MEI4: variants seen among roughly 807,000 people sequenced by gnomAD.
The protein encoded by MEI4 is meiosis-specific protein MEI4.
Under a neutral mutation model 31.4 loss-of-function variants are expected in MEI4, and 27 were observed. The ratio of observed to expected loss-of-function variants is 0.86; its 90% CI spans 0.63 to 1.19. The LOEUF is 1.19. Ranked by LOEUF, MEI4 falls within the 50% of genes most tolerant of loss-of-function variation. The pLI, the probability that MEI4 is intolerant of heterozygous loss-of-function variation, is 0.00. For synonymous variants in MEI4, 122 were observed against 145.4 expected, an observed-to-expected ratio of 0.84 and a Z score of 1.16; for missense variants, 329 against 398.9, an observed-to-expected ratio of 0.82 and a Z score of 1.49.
chr6:77,735,771 A>G (rs542389190), intron 2 of MEI4, among the ~76,000 whole-genome samples: 9 of 151,926 alleles, frequency 5.9e-5, no homozygotes, highest in Non-Finnish European at 1.2e-4. Context: ...GGTTTTATCT[A>G]TTTTTGGTCT....
intron 4 of MEI4, among the ~76,000 whole-genome samples, chr6:77,902,573 A>G (rs1261806765): frequency 6.6e-6 from 1 of 152,090 alleles, no homozygotes; most frequent in Non-Finnish European, 1.5e-5. Flanking sequence ...TGAAAGGAAA[A>G]TTAATCTTGG....
intron 1 of MEI4, among the ~76,000 whole-genome samples, chr6:77,672,791 G>T (rs1768770833): frequency 6.6e-6 from 1 of 152,232 alleles, no homozygotes; most frequent in Non-Finnish European, 1.5e-5. Flanking sequence ...ACCTGCCTCA[G>T]TCTCCCAAAG....
intron 3 of MEI4, among the ~76,000 whole-genome samples, chr6:77,784,420 G>A (rs1021098656): frequency 2.0e-5 from 3 of 152,084 alleles, no homozygotes; most frequent in Admixed American, 6.6e-5. Context: ...CAAATGTTGG[G>A]TTGACATAAC....
At chr6:77,716,620 A>G (rs955304576) in intron 2 of MEI4, among the ~76,000 whole-genome samples, 1 of 152,310 alleles carries the variant, frequency 6.6e-6, no homozygotes, top group Non-Finnish European at 1.5e-5. Context: ...CAAGGGTAGT[A>G]TCAGTCGGGA....
chr6:77,858,139 G>C (rs1399664232), intron 4 of MEI4, among the ~76,000 whole-genome samples: 2 of 152,146 alleles, frequency 1.3e-5, no homozygotes, highest in East Asian at 3.9e-4. Context: ...CTAACAGAGA[G>C]TAATTTGTTT....
intron 4 of MEI4, among the ~76,000 whole-genome samples, chr6:77,900,791 C>T (rs1766170963): frequency 6.6e-6 from 1 of 151,870 alleles, no homozygotes; most frequent in Admixed American, 6.6e-5. Flanking sequence ...ATTAACTTTA[C>T]CATAATGCAC....
At chr6:77,858,569 A>C (rs1173005354) in intron 4 of MEI4, among the ~76,000 whole-genome samples, 1 of 152,074 alleles carries the variant, frequency 6.6e-6, no homozygotes, top group Non-Finnish European at 1.5e-5. Context: ...TTTGTTGGCT[A>C]ATAATGGTGT....
chr6:77,748,566 C>T (rs564571458), intron 2 of MEI4, among the ~76,000 whole-genome samples: 1 of 152,128 alleles, frequency 6.6e-6, no homozygotes, highest in Non-Finnish European at 1.5e-5. Flanking sequence ...GGCCTGGGGG[C>T]CCGTGATGGG....
intron 3 of MEI4, among the ~76,000 whole-genome samples, chr6:77,781,095 G>A (rs1319761871): frequency 1.3e-5 from 2 of 151,922 alleles, no homozygotes; most frequent in African/African-American, 4.8e-5. Context: ...ACAGGGTCTT[G>A]CTTTGCTGCC....
At chr6:77,863,513 C>T (rs574845501) in intron 4 of MEI4, among the ~76,000 whole-genome samples, 4 of 151,594 alleles carry the variant, frequency 2.6e-5, no homozygotes, top group East Asian at 1.9e-4. Flanking sequence ...TGAAATGAAG[C>T]GAGAAGAAAA....
chr6:77,807,907 A>C (rs1013283348), intron 3 of MEI4, among the ~76,000 whole-genome samples: 26 of 152,214 alleles, frequency 1.7e-4, no homozygotes, highest in Admixed American at 4.6e-4. Context: ...ACACACAAAA[A>C]ACAGATGCTA....
At chr6:77,912,986 T>A (rs1175162043) in intron 4 of MEI4, among the ~76,000 whole-genome samples, 1 of 152,142 alleles carries the variant, frequency 6.6e-6, no homozygotes, top group Non-Finnish European at 1.5e-5. Context: ...GTATGTTCCT[T>A]CTATGACTAG....
At chr6:77,659,485 G>A (rs1768461118) in intron 1 of MEI4, among the ~76,000 whole-genome samples, 1 of 152,142 alleles carries the variant, frequency 6.6e-6, no homozygotes, top group African/African-American at 2.4e-5. Context: ...AGGTTGTAAT[G>A]GGGACTGATG....
chr6:77,895,093 T>C (rs1486418237), intron 4 of MEI4, among the ~76,000 whole-genome samples: 1 of 152,216 alleles, frequency 6.6e-6, no homozygotes. Flanking sequence ...CAGTGAAATA[T>C]TGCATTCTCT....
At chr6:77,923,011 A>G in intron 4 of MEI4, 78 bp from the exon 5 acceptor site, 1 of 878,690 alleles carries the variant, frequency 1.1e-6, no homozygotes, top group East Asian at 3.3e-5. Flanking sequence ...TTTGCCTGAA[A>G]CTCTGATATC....
At chr6:77,797,146 A>G (rs183886312) in intron 3 of MEI4, among the ~76,000 whole-genome samples, 67 of 152,310 alleles carry the variant, frequency 4.4e-4, no homozygotes, top group African/African-American at 1.6e-3. Flanking sequence ...CATGTAAAAT[A>G]ATGAAATTGG....
chr6:77,699,789 C>T (rs938501335), intron 2 of MEI4, among the ~76,000 whole-genome samples: 1 of 152,060 alleles, frequency 6.6e-6, no homozygotes, highest in African/African-American at 2.4e-5. Flanking sequence ...GTTAGTTTTC[C>T]TTCTACCATT....
At chr6:77,756,720 C>T (rs950966946) in intron 2 of MEI4, among the ~76,000 whole-genome samples, 5 of 151,174 alleles carry the variant, frequency 3.3e-5, no homozygotes, top group Non-Finnish European at 7.4e-5. Flanking sequence ...CCTTCTGTCT[C>T]ATCTTTCTAG....
chr6:77,802,184 T>G (rs922064607), intron 3 of MEI4, among the ~76,000 whole-genome samples: 6 of 152,218 alleles, frequency 3.9e-5, no homozygotes, highest in Non-Finnish European at 5.9e-5. Context: ...GTTATGATAG[T>G]TAGCTCTTCT....
Sources: gnomAD v4.1 joint callset for allele counts (sites outside exome capture counted in the v4.1 genomes callset) on GRCh38, gnomAD v4.1.1 for gene constraint, MANE v1.5 for transcripts, NCBI Gene and HGNC (gene_info 2026-07-23, HGNC 2026-07-21) for gene names.